CORO7: variants seen among roughly 807,000 people sequenced by gnomAD.
CORO7 encodes coronin-7.
Under a neutral mutation model 126.6 loss-of-function variants are expected in CORO7, and 107 were observed. The ratio of observed to expected loss-of-function variants is 0.85; its 90% CI spans 0.72 to 0.99. The LOEUF (loss-of-function observed/expected upper bound fraction) is 0.99. CORO7 is among the 50% of genes least tolerant of loss of function. CORO7 has a pLI of 0.00. For missense variants in CORO7, 1,314 were observed against 1,255.8 expected (o/e 1.05, Z -0.70); for synonymous variants, 603 against 536.8 (o/e 1.12, Z -1.70).
At chr16:4,411,484 T>C (rs954421176) in intron 3 of CORO7, among the ~76,000 whole-genome samples, 13 of 152,130 alleles carry the variant, frequency 8.5e-5, no homozygotes, top group African/African-American at 3.1e-4. Flanking sequence ...GGAGGATTGC[T>C]TGAGCCCAGA....
At chr16:4,403,036 A>G (rs1366704158) in intron 6 of CORO7, among the ~76,000 whole-genome samples, 1 of 152,020 alleles carries the variant, frequency 6.6e-6, no homozygotes, top group African/African-American at 2.4e-5. Flanking sequence ...GGGTGGGGGC[A>G]CACTCTGGTG....
At chr16:4,383,434 G>GT (rs1463195724) in intron 9 of CORO7, 1 of 167,256 alleles carries the variant, frequency 6.0e-6, no homozygotes, top group Non-Finnish European at 1.5e-5. Context: ...CTGGGAAGAT[G>GT]TTTTTCAAAC....
chr16:4,363,432 CGT>C (rs1567251015), intron 14 of CORO7, among the ~76,000 whole-genome samples: 1 of 151,726 alleles, frequency 6.6e-6, no homozygotes, highest in Non-Finnish European at 1.5e-5. Flanking sequence ...ATTAGCCAGG[CGT>C]GGTGGTGCGC....
At chr16:4,408,791 C>T (rs188646531) in intron 3 of CORO7, among the ~76,000 whole-genome samples, 13 of 152,182 alleles carry the variant, frequency 8.5e-5, no homozygotes, top group Non-Finnish European at 1.2e-4. Flanking sequence ...GGTGAAACCC[C>T]GTCTCTACAA....
At chr16:4,415,769 T>TC in intron 1 of CORO7, 1 of 985,342 alleles carries the variant, frequency 1.0e-6, no homozygotes, top group Non-Finnish European at 1.2e-6. Context: ...GGCGCACCCC[T>TC]CATCAGTCCT....
rs113185662 is a variant in CORO7, at chr16:4,387,974, C to T, written c.785+12G>A. The T allele has an allele frequency of 3.2e-5, 51 of 1,612,534 alleles. No homozygotes were observed. Among genetic ancestry groups the T allele is most frequent in the East Asian group, 4.5e-5 (2 of 44,844 alleles). On this transcript the variant is annotated intron_variant, in intron 9 of 27. Coordinates refer to ENST00000251166, the MANE Select transcript of CORO7 (RefSeq NM_024535.5). ...TCAGCCCCCCAGCCCACCTGCGTGC[C>T]GCAGCTCCTACCCAAGCGAGGTGTC... is the stretch of plus-strand genomic sequence containing the variant.
chr16:4,362,019 A>G lies in CORO7; in HGVS notation c.1544T>C (p.Leu515Pro). The G allele has an allele frequency of 6.2e-7, 1 of 1,612,244 alleles. No homozygotes were observed. The highest frequency in any genetic ancestry group is 8.5e-7 in the Non-Finnish European group (1 of 1,179,632). Residue 515 changes from leucine to proline, a missense_variant, in exon 16 of 28, where the codon CTG (leucine) becomes CCG (proline). By Grantham distance (98) the Leu-to-Pro change is moderately conservative (BLOSUM62 -3). Transcript: ENST00000251166. This position sits in a 1 kb window ranked among gnomAD's most constrained non-coding sequence, Gnocchi z 5.3. ...AGCCACCTGTCCCCCGCTGCTGAGC[A>G]GCGGCACGGCCACACGCAGCTTGTT... ...CANKLRVAVPLLSSGGQVAVL... is the reference protein window; with the variant it reads ...CANKLRVAVPPLSSGGQVAVL...
intron 9 of CORO7, among the ~76,000 whole-genome samples, chr16:4,369,489 G>A (rs1161345505): frequency 7.2e-5 from 11 of 152,260 alleles, no homozygotes; most frequent in African/African-American, 7.2e-5. Flanking sequence ...CAGGCATAAA[G>A]TTATAGAAGG....
intron 3 of CORO7, 147 bp downstream of exon 3, chr16:4,412,209 C>T: frequency 3.6e-6 from 3 of 826,496 alleles, no homozygotes; most frequent in Admixed American, 2.2e-5. Context: ...CTTCTGAGCC[C>T]CACTGTCTCT....
In CORO7 at chr16:4,360,337, G is replaced by A. The variant is rs199645423; in HGVS notation, c.2049C>T (p.Arg683=). ...LQEGPGPKGG[R]GARIVWVCDG... is the part of the protein sequence containing the mutation. ...CACATACCCAGACAATGCGAGCTCC[G>A]CGTCCTCCCTTGGGCCCTGGGCCTT... Residue 683 remains arginine (R), a synonymous_variant, in exon 21 of 28, where the codon CGC becomes CGT. Transcript: ENST00000251166. 50 of 1,613,560 alleles carry A rather than the reference G, an allele frequency of 3.1e-5. No individual in the cohort carries two copies. Among genetic ancestry groups the A allele is most frequent in the Non-Finnish European group, 3.8e-5 (45 of 1,180,006 alleles).
At chr16:4,379,702 G>A (rs2054880294) in intron 9 of CORO7, among the ~76,000 whole-genome samples, 1 of 151,946 alleles carries the variant, frequency 6.6e-6, no homozygotes, top group South Asian at 2.1e-4. Flanking sequence ...CAAGGGGATG[G>A]CTGCTGCTCA....
chr16:4,390,824 G>A (rs1185744993), intron 7 of CORO7, among the ~76,000 whole-genome samples: 2 of 152,234 alleles, frequency 1.3e-5, no homozygotes, highest in Non-Finnish European at 2.9e-5. Flanking sequence ...GAGTGGTGAT[G>A]AGGCTTGCAC....
chr16:4,364,681 C>T lies in CORO7; in HGVS notation c.1053G>A (p.Glu351=). Residue 351 remains glutamate (E), a synonymous_variant, in exon 13 of 28, where the codon GAG becomes GAA. Transcript: ENST00000251166. ...IGYHVPRKAV[E]FHEDLFPDTA... is the part of the protein sequence containing the mutation. ...TGTCCGGGAACAGGTCCTCGTGGAA[C>T]TCCACAGCCTGGCCGCAGACAAGCA... 1 of 1,583,642 alleles carries T rather than the reference C, an allele frequency of 6.3e-7. No individual in the cohort carries two copies. Among genetic ancestry groups the T allele is most frequent in the South Asian group, 1.1e-5 (1 of 87,140 alleles).
At chr16:4,388,428 T>C in intron 8 of CORO7, 117 bp downstream of exon 8, 1 of 1,159,378 alleles carries the variant, frequency 8.6e-7, no homozygotes, top group Non-Finnish European at 1.2e-6. Context: ...AGGCCGTATA[T>C]GGACAGGCCT....
In CORO7 at chr16:4,388,038, T is replaced by C. The variant is rs1409024882; in HGVS notation, c.733A>G (p.Thr245Ala). Residue 245 changes from threonine (T) to alanine (A), a missense_variant, in exon 9 of 28, where the codon ACG becomes GCG. Physicochemically the swap from Thr to Ala is moderately conservative, Grantham distance 58. Transcript: ENST00000251166. ...GCCAGGGCGCTGGAGAAGAACCGCGTGTCCCACAGCTTCACTTCGCGCTCA... is the reference window on the plus strand; with the variant it reads ...GCCAGGGCGCTGGAGAAGAACCGCGCGTCCCACAGCTTCACTTCGCGCTCA... ...MREREVKLWD[T>A]RFFSSALASL... 5 of 1,613,124 alleles carry C rather than the reference T, an allele frequency of 3.1e-6. No homozygotes were observed. The highest frequency in any genetic ancestry group is 4.2e-6 in the Non-Finnish European group (5 of 1,179,908).
chr16:4,407,725 C>T (rs1389758603), intron 4 of CORO7, 41 bp from the exon 5 acceptor site: 1 of 1,519,532 alleles, frequency 6.6e-7, no homozygotes, highest in Admixed American at 2.2e-5. Flanking sequence ...GGCTGAGGGC[C>T]TCACTGCCTT....
intron 6 of CORO7, among the ~76,000 whole-genome samples, chr16:4,397,132 CCCGT>C (rs2055624837): frequency 6.6e-6 from 1 of 151,650 alleles, no homozygotes; most frequent in Admixed American, 6.6e-5. Context: ...TCCCAATAAA[CCCGT>C]CTTAAATTGA....
At chr16:4,398,390 G>A (rs1237315618) in intron 6 of CORO7, among the ~76,000 whole-genome samples, 6 of 152,172 alleles carry the variant, frequency 3.9e-5, no homozygotes, top group African/African-American at 7.2e-5. Context: ...CAGGCCGGGC[G>A]CGGTGGCTCA....
intron 9 of CORO7, among the ~76,000 whole-genome samples, chr16:4,372,553 G>A (rs1159013102): frequency 2.0e-5 from 3 of 152,210 alleles, no homozygotes; most frequent in Non-Finnish European, 4.4e-5. Context: ...TACTGGCCAG[G>A]GCCCTTAGAG....
Sources: gnomAD v4.1 joint callset for allele counts (sites outside exome capture counted in the v4.1 genomes callset) on GRCh38, gnomAD v4.1.1 for gene constraint, Gnocchi (gnomAD v3.1) non-coding constraint, MANE v1.5 for transcripts, NCBI Gene and HGNC (gene_info 2026-07-23, HGNC 2026-07-21) for gene names.